The following ANK2 variants were observed in gnomAD, a reference collection of about 807,000 sequenced individuals.
The protein encoded by ANK2 is ankyrin 2.
A neutral mutation model predicts 360.5 loss-of-function variants in ANK2; 83 were observed. The observed-to-expected ratio is 0.23, with a 90% CI of 0.19 to 0.28. ANK2 has a LOEUF of 0.28. Among genes scored for constraint, ANK2 ranks in the 10% least tolerant of loss-of-function variants. The pLI, the probability that ANK2 is intolerant of heterozygous loss-of-function variation, is 1.00. For synonymous variants in ANK2, 1,740 were observed against 1,759.5 expected (o/e 0.99, Z 0.28); for missense variants, 4,201 against 4,795.7 (o/e 0.88, Z 3.66).
At chr4:113,359,451 T>C in intron 38 of ANK2, 152 bp downstream of exon 38, 1 of 935,528 alleles carries the variant, frequency 1.1e-6, no homozygotes, top group Non-Finnish European at 1.6e-6. Flanking sequence ...TTGTGTTTTG[T>C]GCTTTCTCTG....
the ANK2 span, among the ~76,000 whole-genome samples, chr4:112,710,010 G>T: frequency 6.6e-6 from 1 of 152,138 alleles, no homozygotes; most frequent in Non-Finnish European, 1.5e-5. Context: ...GAAACATTGA[G>T]ACCTCCCATG....
chr4:112,960,671 A>T (rs1450953846), intron 2 of ANK2, among the ~76,000 whole-genome samples: 1 of 152,184 alleles, frequency 6.6e-6, no homozygotes, highest in Non-Finnish European at 1.5e-5. Flanking sequence ...TAATAAATTT[A>T]TTCTTTAAAA....
At chr4:112,935,518 A>G (rs981566347) in intron 2 of ANK2, among the ~76,000 whole-genome samples, 3 of 152,300 alleles carry the variant, frequency 2.0e-5, no homozygotes, top group South Asian at 4.1e-4. Context: ...CACAATAAGC[A>G]TAACAATGAC....
intron 1 of ANK2, chr4:113,069,833 T>C (rs748423538): frequency 6.6e-6 from 1 of 152,214 alleles, no homozygotes; most frequent in Non-Finnish European, 1.5e-5. Context: ...AGTCAACCAG[T>C]AGTGCTGCTG....
At chr4:112,844,383 A>T (rs2062831359) in intron 1 of ANK2, among the ~76,000 whole-genome samples, 1 of 152,176 alleles carries the variant, frequency 6.6e-6, no homozygotes. Context: ...TATTACTTAC[A>T]TGTTATCGCT....
At chr4:113,229,266 G>A (rs1383602226) in intron 4 of ANK2, among the ~76,000 whole-genome samples, 1 of 152,174 alleles carries the variant, frequency 6.6e-6, no homozygotes, top group Non-Finnish European at 1.5e-5. Flanking sequence ...CCTTCCGGAG[G>A]CTCTAGGTGA....
At chr4:112,916,743 T>A (rs537985685) in intron 2 of ANK2, among the ~76,000 whole-genome samples, 1 of 152,312 alleles carries the variant, frequency 6.6e-6, no homozygotes, top group East Asian at 1.9e-4. Flanking sequence ...ATTTGTCAGA[T>A]AAATGAATAG....
chr4:112,804,211 G>A, the ANK2 span, among the ~76,000 whole-genome samples: 14 of 152,030 alleles, frequency 9.2e-5, no homozygotes, highest in East Asian at 5.8e-4. Context: ...TAGTAGAGAC[G>A]GGGTTTCACC....
chr4:112,864,611 G>T (rs1001987241), intron 1 of ANK2, among the ~76,000 whole-genome samples: 1 of 151,968 alleles, frequency 6.6e-6, no homozygotes, highest in African/African-American at 2.4e-5. Flanking sequence ...CGCCCGGCCG[G>T]TAAGGATTTT....
At chr4:113,028,640 C>G (rs1481525381) in intron 2 of ANK2, among the ~76,000 whole-genome samples, 1 of 152,114 alleles carries the variant, frequency 6.6e-6, no homozygotes, top group Non-Finnish European at 1.5e-5. Context: ...TGCAACAACT[C>G]AAGTAAAAGA....
chr4:112,732,561 G>A, the ANK2 span, among the ~76,000 whole-genome samples: 1 of 152,132 alleles, frequency 6.6e-6, no homozygotes. Flanking sequence ...TTTAATTGTA[G>A]CAGTCAGGTT....
chr4:113,140,325 G>A (rs1054247416), intron 1 of ANK2, among the ~76,000 whole-genome samples: 2 of 152,108 alleles, frequency 1.3e-5, no homozygotes. Context: ...TGAAACAATC[G>A]GTCTTGAATT....
chr4:113,175,401 T>C (rs1177685277), intron 2 of ANK2, among the ~76,000 whole-genome samples: 1 of 152,224 alleles, frequency 6.6e-6, no homozygotes, highest in Non-Finnish European at 1.5e-5. Flanking sequence ...TCAAACTTAT[T>C]GTACTCCCTA....
intron 1 of ANK2, among the ~76,000 whole-genome samples, chr4:113,090,914 C>T (rs1005520716): frequency 3.9e-5 from 6 of 152,156 alleles, no homozygotes; most frequent in Non-Finnish European, 7.4e-5. Flanking sequence ...GAGACAATGA[C>T]AGAGTTGTGG....
chr4:113,229,830 C>A (rs560029279), intron 4 of ANK2, among the ~76,000 whole-genome samples: 55 of 152,330 alleles, frequency 3.6e-4, no homozygotes, highest in Admixed American at 2.0e-4. Context: ...TCCTGCTGAT[C>A]TGGCGACCTC....
upstream of ANK2, among the ~76,000 whole-genome samples, chr4:112,816,229 T>C (rs11736591): frequency 0.12 from 18,054 of 152,228 alleles, 1,815 homozygotes; most frequent in African/African-American, 0.27. Flanking sequence ...AAAACCCACA[T>C]ATCTGGTGTC....
the ANK2 span, among the ~76,000 whole-genome samples, chr4:112,727,973 G>A: frequency 2.0e-5 from 3 of 151,504 alleles, no homozygotes; most frequent in South Asian, 6.3e-4. Flanking sequence ...GCGAAACTCT[G>A]TCTCAAAAGA....
chr4:113,231,864 T>C (rs1266573246), intron 4 of ANK2, among the ~76,000 whole-genome samples: 7 of 152,136 alleles, frequency 4.6e-5, no homozygotes, highest in Non-Finnish European at 7.3e-5. Context: ...ACTCCCAAAG[T>C]TCTGGGATTA....
the ANK2 span, among the ~76,000 whole-genome samples, chr4:112,791,553 A>G: frequency 7.3e-6 from 1 of 136,274 alleles, no homozygotes; most frequent in African/African-American, 2.8e-5. Context: ...CTGTGGCGCG[A>G]TCTTAGCTCA....
Sources: allele counts gnomAD v4.1 joint callset (sites outside exome capture counted in the v4.1 genomes callset), GRCh38; gene constraint gnomAD v4.1.1; transcripts MANE v1.5; gene names NCBI Gene and HGNC (gene_info 2026-07-23, HGNC 2026-07-21).